The following SHISA9 variants were observed in gnomAD, a reference collection of about 807,000 sequenced individuals.
SHISA9 encodes protein shisa-9.
In SHISA9, 13 loss-of-function variants were observed where a neutral mutation model predicts 38.0. That is an observed-to-expected ratio of 0.34 (90% CI 0.22 to 0.54). The LOEUF (loss-of-function observed/expected upper bound fraction) is 0.54. SHISA9 is among the 20% of genes least tolerant of loss of function. The pLI is 0.91. For synonymous variants in SHISA9, 275 were observed against 242.0 expected (o/e 1.14, Z -1.27); for missense variants, 538 against 575.8 (o/e 0.93, Z 0.67).
chr16:13,481,524 C>T, the SHISA9 span, among the ~76,000 whole-genome samples: 2 of 152,208 alleles, frequency 1.3e-5, no homozygotes, highest in South Asian at 4.1e-4. Flanking sequence ...ACCACAGCCT[C>T]CTCTCCTTTC....
At chr16:13,187,588 G>T (rs112276747) in intron 2 of SHISA9, among the ~76,000 whole-genome samples, 1 of 151,986 alleles carries the variant, frequency 6.6e-6, no homozygotes, top group African/African-American at 2.4e-5. Context: ...ACCCACCCCT[G>T]CCTCCCAAAG....
intron 2 of SHISA9, among the ~76,000 whole-genome samples, chr16:13,126,614 A>G (rs2050259221): frequency 7.1e-6 from 1 of 141,544 alleles, no homozygotes; most frequent in African/African-American, 2.6e-5. Context: ...GGAGGGAAAG[A>G]GATGGAGGCA....
chr16:13,115,075 T>C (rs1226768161), intron 2 of SHISA9, among the ~76,000 whole-genome samples: 1 of 152,184 alleles, frequency 6.6e-6, no homozygotes, highest in African/African-American at 2.4e-5. Flanking sequence ...TATCTACCTG[T>C]TTTTCATTTT....
At chr16:13,028,108 A>C (rs1447363719) in intron 2 of SHISA9, among the ~76,000 whole-genome samples, 1 of 151,952 alleles carries the variant, frequency 6.6e-6, no homozygotes, top group Admixed American at 6.6e-5. Flanking sequence ...CAGGTAATGA[A>C]AACCTTCTAT....
At chr16:13,161,913 A>G (rs1279365619) in intron 2 of SHISA9, among the ~76,000 whole-genome samples, 1 of 152,162 alleles carries the variant, frequency 6.6e-6, no homozygotes, top group Admixed American at 6.5e-5. Context: ...GGTGATACAC[A>G]TTGCATTTCA....
At chr16:13,338,384 A>C in the SHISA9 span, among the ~76,000 whole-genome samples, 1 of 152,218 alleles carries the variant, frequency 6.6e-6, no homozygotes, top group African/African-American at 2.4e-5. Context: ...GTCATTCATG[A>C]ATAATTGATA....
chr16:13,387,285 A>T, the SHISA9 span, among the ~76,000 whole-genome samples: 1 of 152,170 alleles, frequency 6.6e-6, no homozygotes, highest in Non-Finnish European at 1.5e-5. Context: ...TCAATTTAAG[A>T]TGAAGTCATA....
At chr16:13,408,083 G>GTGCAGAAGCTCTTT in the SHISA9 span, among the ~76,000 whole-genome samples, 1,453 of 152,202 alleles carry the variant, frequency 9.5e-3, 10 homozygotes, top group Non-Finnish European at 0.012. Context: ...TTCTTTTGCT[G>GTGCAGAAGCTCTTT]TGCAGAAGCT....
chr16:13,181,962 A>G (rs766212261), intron 2 of SHISA9, among the ~76,000 whole-genome samples: 9 of 152,208 alleles, frequency 5.9e-5, no homozygotes, highest in Non-Finnish European at 1.0e-4. Context: ...CATGCGAGCA[A>G]TAAGTATGGT....
chr16:13,088,325 G>GAAA (rs1232628914), intron 2 of SHISA9, among the ~76,000 whole-genome samples: 1 of 150,736 alleles, frequency 6.6e-6, no homozygotes, highest in East Asian at 2.0e-4. Context: ...GGTTCCATAT[G>GAAA]TGTAGTTTTT....
At chr16:13,169,764 A>T (rs2050669097) in intron 2 of SHISA9, among the ~76,000 whole-genome samples, 1 of 152,146 alleles carries the variant, frequency 6.6e-6, no homozygotes, top group Non-Finnish European at 1.5e-5. Flanking sequence ...ATGACATATG[A>T]TTGCTATGGG....
chr16:13,466,181 C>G, the SHISA9 span, among the ~76,000 whole-genome samples: 3 of 152,334 alleles, frequency 2.0e-5, no homozygotes, highest in South Asian at 2.1e-4. Context: ...CTAGGAAACA[C>G]TACAATGATC....
intron 2 of SHISA9, among the ~76,000 whole-genome samples, chr16:12,990,933 T>C (rs1314094973): frequency 6.6e-6 from 1 of 152,198 alleles, no homozygotes; most frequent in Non-Finnish European, 1.5e-5. Flanking sequence ...GATTATAACT[T>C]CTTTGAAAGA....
chr16:13,443,147 A>C, the SHISA9 span, among the ~76,000 whole-genome samples: 115,768 of 152,146 alleles, frequency 0.76, 44,179 homozygotes, highest in Admixed American at 0.84. Context: ...CACTGGACAA[A>C]AGTGGAAAAC....
intron 2 of SHISA9, among the ~76,000 whole-genome samples, chr16:13,187,280 T>C (rs2050833740): frequency 6.6e-6 from 1 of 151,724 alleles, no homozygotes; most frequent in Admixed American, 6.6e-5. Flanking sequence ...TCTCAGGAGG[T>C]AGGATTGGCA....
chr16:12,913,479 G>A (rs576497000), intron 1 of SHISA9, among the ~76,000 whole-genome samples: 8 of 152,272 alleles, frequency 5.3e-5, no homozygotes, highest in African/African-American at 1.9e-4. Flanking sequence ...TTACAGGTGT[G>A]AACCACTGCA....
chr16:13,518,894 GAGA>G, the SHISA9 span, among the ~76,000 whole-genome samples: 1 of 152,166 alleles, frequency 6.6e-6, no homozygotes. Flanking sequence ...GGAAGGGTAA[GAGA>G]GGATAAGAGA....
chr16:13,278,867 A>G, the SHISA9 span, among the ~76,000 whole-genome samples: 1 of 151,852 alleles, frequency 6.6e-6, no homozygotes, highest in Non-Finnish European at 1.5e-5. Context: ...AAAGAACAAG[A>G]TTTTTGTTTC....
the SHISA9 span, among the ~76,000 whole-genome samples, chr16:13,362,392 C>A: frequency 2.0e-5 from 3 of 151,744 alleles, no homozygotes; most frequent in Non-Finnish European, 4.4e-5. Flanking sequence ...TGTGCCACTG[C>A]ACTCCAGCCT....
Sources: gnomAD v4.1 joint callset for allele counts (sites outside exome capture counted in the v4.1 genomes callset) on GRCh38, gnomAD v4.1.1 for gene constraint, MANE v1.5 for transcripts, NCBI Gene and HGNC (gene_info 2026-07-23, HGNC 2026-07-21) for gene names.